The following CDH23 variants were observed in gnomAD, a reference collection of about 807,000 sequenced individuals.
CDH23 encodes the protein cadherin related 23.
A neutral mutation model predicts 317.1 loss-of-function variants in CDH23; 189 were observed. The observed-to-expected ratio is 0.60, with a 90% confidence interval of 0.53 to 0.67. The LOEUF is 0.67. Ranked by LOEUF, CDH23 falls within the 30% of genes least tolerant of loss-of-function variation. The probability of loss-of-function intolerance (pLI) is 0.00; values close to 1 mark genes in which losing one functional copy is unlikely to be tolerated. For synonymous variants in CDH23, 1,839 were observed against 1,876.8 expected (o/e 0.98, Z 0.52); for missense variants, 4,401 against 4,592.4 (o/e 0.96, Z 1.20).
At chr10:71,557,910 C>A (rs79344258) in intron 6 of CDH23, among the ~76,000 whole-genome samples, 1,778 of 152,288 alleles carry the variant, frequency 0.012, 47 homozygotes, top group African/African-American at 0.041. Context: ...CTCTTTCAAT[C>A]TGGAAACAGG....
At chr10:71,683,732 G>C (rs909828505) in intron 18 of CDH23, among the ~76,000 whole-genome samples, 1 of 152,136 alleles carries the variant, frequency 6.6e-6, no homozygotes, top group Non-Finnish European at 1.5e-5. Context: ...GAGTCCTTGT[G>C]CCTGGCACCT....
intron 6 of CDH23, among the ~76,000 whole-genome samples, chr10:71,521,710 C>T (rs1444466175): frequency 6.6e-6 from 1 of 152,256 alleles, no homozygotes; most frequent in Non-Finnish European, 1.5e-5. Flanking sequence ...GATGTCAGAG[C>T]ACATATCCCC....
At chr10:71,681,880 G>T (rs1468061136) in intron 17 of CDH23, among the ~76,000 whole-genome samples, 1 of 152,194 alleles carries the variant, frequency 6.6e-6, no homozygotes, top group Non-Finnish European at 1.5e-5. Context: ...CCCACTGCCT[G>T]GTCCTCCCTG....
chr10:71,443,185 G>A (rs1055716011), intron 2 of CDH23, among the ~76,000 whole-genome samples: 56 of 152,214 alleles, frequency 3.7e-4, no homozygotes, highest in African/African-American at 1.0e-3. Context: ...GGCGACCGGG[G>A]CTTGGACTCA....
chr10:71,483,829 T>C (rs183598361), intron 3 of CDH23, among the ~76,000 whole-genome samples: 382 of 152,308 alleles, frequency 2.5e-3, no homozygotes, highest in Middle Eastern at 6.8e-3. Flanking sequence ...GTGTACATGC[T>C]CACACACATT....
intron 1 of CDH23, among the ~76,000 whole-genome samples, chr10:71,426,333 A>G (rs913234246): frequency 3.9e-5 from 6 of 152,206 alleles, no homozygotes; most frequent in East Asian, 1.9e-4. Context: ...CCATCCTGTG[A>G]GAGAATGGGG....
chr10:71,646,975 T>C (rs527638312), intron 14 of CDH23: 2 of 985,188 alleles, frequency 2.0e-6, no homozygotes, highest in Non-Finnish European at 2.4e-6. Flanking sequence ...ACCCTCTCCA[T>C]GTGAGCACAG....
At chr10:71,419,033 T>C (rs1226327415) in intron 1 of CDH23, among the ~76,000 whole-genome samples, 1 of 152,218 alleles carries the variant, frequency 6.6e-6, no homozygotes, top group Non-Finnish European at 1.5e-5. Context: ...TATTGTACTA[T>C]CAAGTAAGAA....
At chr10:71,506,071 T>G (rs75646491) in intron 3 of CDH23, among the ~76,000 whole-genome samples, 1 of 152,250 alleles carries the variant, frequency 6.6e-6, no homozygotes, top group African/African-American at 2.4e-5. Flanking sequence ...AGTGAAGTAC[T>G]GATACATGCT....
chr10:71,729,073 G>A (rs1414335677), intron 30 of CDH23, among the ~76,000 whole-genome samples: 1 of 152,124 alleles, frequency 6.6e-6, no homozygotes, highest in East Asian at 1.9e-4. Flanking sequence ...GGGCTCAAGA[G>A]ATCCTCCCAC....
At chr10:71,420,476 ATGATGGTGATGG>A (rs1848736483) in intron 1 of CDH23, among the ~76,000 whole-genome samples, 1 of 52,870 alleles carries the variant, frequency 1.9e-5, no homozygotes, top group Non-Finnish European at 3.8e-5. Context: ...GATGGTGATG[ATGATGGTGATGG>A]TGATGATGGT....
intron 1 of CDH23, among the ~76,000 whole-genome samples, chr10:71,438,983 T>C (rs545464146): frequency 1.3e-5 from 2 of 152,286 alleles, no homozygotes; most frequent in African/African-American, 4.8e-5. Context: ...TAGGGAGGCC[T>C]GCTCCTGAGC....
chr10:71,441,804 A>G (rs1849898457), intron 2 of CDH23, among the ~76,000 whole-genome samples: 1 of 152,178 alleles, frequency 6.6e-6, no homozygotes, highest in East Asian at 1.9e-4. Flanking sequence ...TCTGTGAGAC[A>G]CGGCAGTCTC....
At position 71,751,240 on chromosome 10, in the gene CDH23, TC is replaced by T; in HGVS notation, c.4845+9324del. The T allele has an allele frequency of 6.2e-7, 1 of 1,605,464 alleles. No homozygotes were observed. Among genetic ancestry groups the T allele is most frequent in the East Asian group, 2.2e-5 (1 of 44,636 alleles). On this transcript the variant is annotated intron_variant, in intron 38 of 69. Transcript: ENST00000224721. This position sits in a 1 kb window ranked among gnomAD's most constrained non-coding sequence, Gnocchi z 4.9. ...CAGACCCAGCCACAACAGCCCACTG[TC>T]CCCCAGCTGGGCTAGATGACCTCAA...
chr10:71,533,525 C>CCACACACA (rs55659529), intron 6 of CDH23, among the ~76,000 whole-genome samples: 7,450 of 130,694 alleles, frequency 0.057, 244 homozygotes, highest in East Asian at 0.091. Flanking sequence ...TGGCTGGACA[C>CCACACACA]CACACACACA....
intron 3 of CDH23, among the ~76,000 whole-genome samples, chr10:71,507,876 GAGTCTGGA>G (rs1172129259): frequency 1.3e-5 from 2 of 152,208 alleles, no homozygotes; most frequent in African/African-American, 4.8e-5. Flanking sequence ...GGGAATCTGG[GAGTCTGGA>G]AACTTGGGTT....
intron 2 of CDH23, among the ~76,000 whole-genome samples, chr10:71,440,696 G>T (rs1466180550): frequency 6.6e-6 from 1 of 152,170 alleles, no homozygotes; most frequent in Non-Finnish European, 1.5e-5. Context: ...TTTGCTTCTC[G>T]CTTGGCCCCT....
rs1840009931 is a variant in CDH23 at position 71,751,789 on chromosome 10, G to A, written c.4845+9868G>A. 1 of 1,599,736 alleles carries A rather than the reference G, an allele frequency of 6.3e-7. No individual in the cohort carries two copies. Among genetic ancestry groups the A allele is most frequent in the Non-Finnish European group, 8.5e-7 (1 of 1,172,940 alleles). ...GGGCCACATAGGACAGGGGGTGCCTGACTTTGGCCTCGGGTATCCCCTGGG... is the reference window on the plus strand; with the variant it reads ...GGGCCACATAGGACAGGGGGTGCCTAACTTTGGCCTCGGGTATCCCCTGGG... On this transcript the variant is annotated intron_variant, in intron 38 of 69. Transcript: ENST00000224721. This position sits in a 1 kb window ranked among gnomAD's most constrained non-coding sequence, Gnocchi z 4.9.
intron 11 of CDH23, among the ~76,000 whole-genome samples, chr10:71,623,963 G>A (rs141612744): frequency 3.9e-5 from 6 of 152,332 alleles, no homozygotes; most frequent in African/African-American, 1.4e-4. Flanking sequence ...ATTCAGGTGC[G>A]ATTCCAGGCA....
Sources: gnomAD v4.1 joint callset for allele counts (sites outside exome capture counted in the v4.1 genomes callset) on GRCh38, gnomAD v4.1.1 for gene constraint, Gnocchi (gnomAD v3.1) non-coding constraint, MANE v1.5 for transcripts, NCBI Gene and HGNC (gene_info 2026-07-23, HGNC 2026-07-21) for gene names.